Variants in BTG4 observed in about 807,000 individuals in gnomAD.
The protein encoded by BTG4 is protein BTG4.
In BTG4, 10 loss-of-function variants were observed where a neutral mutation model predicts 19.3. That is an observed-to-expected ratio of 0.52 (90% CI 0.32 to 0.88). The LOEUF (loss-of-function observed/expected upper bound fraction) is 0.88. Among genes scored for constraint, BTG4 ranks in the 40% least tolerant of loss-of-function variants. The pLI, the probability that BTG4 is intolerant of heterozygous loss-of-function variation, is 0.04. For missense variants in BTG4, 238 were observed against 281.9 expected (o/e 0.84, Z 1.11); for synonymous variants, 91 against 95.7 (o/e 0.95, Z 0.29).
chr11:111,385,069 T>C, the BTG4 span: 1 of 151,852 alleles, frequency 6.6e-6, no homozygotes, highest in Non-Finnish European at 1.5e-5. Flanking sequence ...CCACTTTTGT[T>C]CTTATTACAA....
chr11:111,395,278 G>A, the BTG4 span, among the ~76,000 whole-genome samples: 6 of 152,300 alleles, frequency 3.9e-5, no homozygotes, highest in South Asian at 1.2e-3. Flanking sequence ...GGACAAACAC[G>A]CCTCCACAGC....
At chr11:111,436,304 G>A in the BTG4 span, among the ~76,000 whole-genome samples, 15 of 152,134 alleles carry the variant, frequency 9.9e-5, no homozygotes, top group Admixed American at 9.8e-4. Flanking sequence ...TGGCTTTTTA[G>A]ACCTGGCAAC....
At chr11:111,493,930 G>C (rs1865569042), downstream of BTG4, among the ~76,000 whole-genome samples, 1 of 152,174 alleles carries the variant, frequency 6.6e-6, no homozygotes, top group Non-Finnish European at 1.5e-5. Flanking sequence ...TCGTACCCAA[G>C]TTGGGACTCA....
chr11:111,390,051 A>C, the BTG4 span, among the ~76,000 whole-genome samples: 2 of 152,250 alleles, frequency 1.3e-5, no homozygotes, highest in African/African-American at 4.8e-5. Flanking sequence ...ATGAGGAAAC[A>C]CAGTGAGGTT....
chr11:111,482,691 A>G (rs1035599177), intron 5 of BTG4, among the ~76,000 whole-genome samples: 4 of 152,194 alleles, frequency 2.6e-5, no homozygotes, highest in African/African-American at 9.6e-5. Context: ...TGATGGAGGA[A>G]AGATAGTCTT....
chr11:111,452,782 G>T, the BTG4 span, among the ~76,000 whole-genome samples: 3 of 152,230 alleles, frequency 2.0e-5, no homozygotes, highest in East Asian at 5.8e-4. Flanking sequence ...TGTCCAGGGT[G>T]CACACCAAGG....
rs1238345363 is a variant in BTG4 at position 111,497,198 on chromosome 11, G to GAT, written c.510+12_510+13insAT. 2 of 1,604,550 alleles carry GAT rather than the reference G, an allele frequency of 1.2e-6. No homozygotes were observed. Among genetic ancestry groups the GAT allele is most frequent in the Non-Finnish European group, 1.7e-6 (2 of 1,174,152 alleles). On this transcript the variant is annotated intron_variant, in intron 4 of 4. Transcript: ENST00000692032. ...AGAAAAAAAGTATAGAAAAGAACTG[G>GAT]AACACTCTTGACCTGATAAATACTC...
the BTG4 span, among the ~76,000 whole-genome samples, chr11:111,413,962 C>A: frequency 2.6e-5 from 4 of 152,198 alleles, no homozygotes; most frequent in African/African-American, 9.7e-5. Context: ...AAGACCCTCC[C>A]CTTCCCGCCC....
At chr11:111,503,328 C>T (rs1866218202) in intron 1 of BTG4, among the ~76,000 whole-genome samples, 2 of 152,158 alleles carry the variant, frequency 1.3e-5, no homozygotes, top group South Asian at 4.1e-4. Context: ...ATTAAATACC[C>T]AAGTAGTAAT....
At chr11:111,388,337 T>G in the BTG4 span, among the ~76,000 whole-genome samples, 1 of 147,476 alleles carries the variant, frequency 6.8e-6, no homozygotes, top group East Asian at 2.0e-4. Flanking sequence ...AGGTGTGTGT[T>G]TTTTTTTTTT....
the BTG4 span, among the ~76,000 whole-genome samples, chr11:111,439,650 C>A: frequency 2.6e-5 from 4 of 152,088 alleles, no homozygotes; most frequent in Non-Finnish European, 5.9e-5. Flanking sequence ...AGACTCACAC[C>A]CCCTCTCAGT....
At chr11:111,404,177 A>C in the BTG4 span, among the ~76,000 whole-genome samples, 7 of 152,164 alleles carry the variant, frequency 4.6e-5, no homozygotes, top group Non-Finnish European at 1.0e-4. Context: ...CTTGCCTGCC[A>C]CCATGTAAGA....
upstream of BTG4, chr11:111,514,694 G>T (rs1867148485): frequency 9.8e-7 from 1 of 1,025,262 alleles, no homozygotes; most frequent in African/African-American, 1.7e-5. Context: ...GCCGGCAGGG[G>T]CTGGTACCAA....
intron 5 of BTG4, among the ~76,000 whole-genome samples, chr11:111,488,399 C>T (rs1200103095): frequency 3.9e-5 from 6 of 152,136 alleles, no homozygotes; most frequent in East Asian, 1.9e-4. Flanking sequence ...TATCCATACA[C>T]GAAAGAATGA....
At chr11:111,497,160 T>C in intron 4 of BTG4, 51 bp downstream of exon 4, 1 of 1,513,522 alleles carries the variant, frequency 6.6e-7, no homozygotes, top group Non-Finnish European at 9.0e-7. Context: ...GTGCATTCTT[T>C]TTAGAATTAG....
At chr11:111,430,043 T>C in the BTG4 span, among the ~76,000 whole-genome samples, 36 of 152,348 alleles carry the variant, frequency 2.4e-4, no homozygotes, top group African/African-American at 8.2e-4. Flanking sequence ...AAGCACATCA[T>C]AATAGTAAAC....
At chr11:111,460,024 T>A in the BTG4 span, among the ~76,000 whole-genome samples, 1 of 152,094 alleles carries the variant, frequency 6.6e-6, no homozygotes, top group South Asian at 2.1e-4. Context: ...GACCAGCACT[T>A]CAGAAACTCA....
downstream of BTG4, among the ~76,000 whole-genome samples, chr11:111,493,863 T>A (rs1448168718): frequency 6.6e-6 from 1 of 152,080 alleles, no homozygotes; most frequent in Non-Finnish European, 1.5e-5. Flanking sequence ...CCCAAAGTAA[T>A]GAGGCTAGAA....
At chr11:111,478,270 G>A (rs925626249) in intron 5 of BTG4, among the ~76,000 whole-genome samples, 1 of 152,140 alleles carries the variant, frequency 6.6e-6, no homozygotes, top group Non-Finnish European at 1.5e-5. Flanking sequence ...CAGCAGTAAT[G>A]AGAGACCCTT....
Sources: allele counts gnomAD v4.1 joint callset (sites outside exome capture counted in the v4.1 genomes callset), GRCh38; gene constraint gnomAD v4.1.1; transcripts MANE v1.5; gene names NCBI Gene and HGNC (gene_info 2026-07-23, HGNC 2026-07-21).